OSBPL10: variants seen among roughly 807,000 people sequenced by gnomAD.
OSBPL10 encodes oxysterol-binding protein-related protein 10.
A neutral mutation model predicts 81.7 loss-of-function variants in OSBPL10; 49 were observed. The ratio of observed to expected loss-of-function variants is 0.60; its 90% CI spans 0.48 to 0.76. The LOEUF is 0.76. OSBPL10 is among the 30% of genes least tolerant of loss of function. OSBPL10 has a pLI of 0.00. For synonymous variants in OSBPL10, 419 were observed against 383.6 expected (o/e 1.09, Z -1.08); for missense variants, 923 against 987.8 (o/e 0.93, Z 0.88).
At chr3:32,000,452 C>A (rs1486165845) in intron 2 of OSBPL10, among the ~76,000 whole-genome samples, 1 of 152,210 alleles carries the variant, frequency 6.6e-6, no homozygotes, top group Non-Finnish European at 1.5e-5. Flanking sequence ...ATCACCCCAC[C>A]ACACCAGTGG....
At chr3:32,042,591 T>A (rs1235543597) in intron 2 of OSBPL10, among the ~76,000 whole-genome samples, 2 of 152,116 alleles carry the variant, frequency 1.3e-5, no homozygotes, top group African/African-American at 4.8e-5. Context: ...GTTCTTTCTA[T>A]TTTCCATAAG....
intron 6 of OSBPL10, chr3:31,714,836 C>G (rs563804990): frequency 6.5e-6 from 1 of 153,314 alleles, no homozygotes; most frequent in East Asian, 1.9e-4. Context: ...AGCCTCCCAG[C>G]TCATCCTTCT....
intron 4 of OSBPL10, among the ~76,000 whole-genome samples, chr3:31,750,813 A>C (rs1416696945): frequency 6.6e-6 from 1 of 152,172 alleles, no homozygotes; most frequent in Admixed American, 6.5e-5. Context: ...CAAGCCATAA[A>C]CTATACGGTA....
At chr3:32,025,986 T>C (rs985155622) in intron 2 of OSBPL10, among the ~76,000 whole-genome samples, 7 of 150,228 alleles carry the variant, frequency 4.7e-5, no homozygotes, top group Admixed American at 1.3e-4. Flanking sequence ...CTAAACATGA[T>C]ATATGGAGCC....
chr3:31,991,183 T>C lies in OSBPL10; in HGVS notation n.298+55308A>G, dbSNP rs111514380. ...GGATTGGGCTGGGCAGGGTGGCTTATACCTGTAATCCCAGCACTGTGGGAG... is the reference window on the plus strand; with the variant it reads ...GGATTGGGCTGGGCAGGGTGGCTTACACCTGTAATCCCAGCACTGTGGGAG... On this transcript the variant is annotated intron_variant and non_coding_transcript_variant, in intron 2 of 3. Transcript: ENST00000479173. The C allele has an allele frequency of 1.0e-3, 618 of 598,272 alleles. 6 individuals carry two copies. The highest frequency in any genetic ancestry group is 9.2e-3 in the African/African-American group (490 of 53,470). 37.1% of individuals were successfully genotyped at this position (598,272 alleles called of 1,614,324 possible). A position where few individuals can be genotyped will look rare whatever the true frequency, so the allele number is the denominator to read the frequency against.
intron 3 of OSBPL10, among the ~76,000 whole-genome samples, chr3:31,832,066 CTA>C (rs1210488585): frequency 6.6e-6 from 1 of 152,160 alleles, no homozygotes; most frequent in Non-Finnish European, 1.5e-5. Flanking sequence ...AGAGAGGTCT[CTA>C]TGAATTGATC....
rs138507342 is a variant in OSBPL10, at chr3:31,796,911, A to G, written c.729+33129T>C. 4.6e-3 allele frequency among the ~76,000 whole-genome samples: 698 copies of G among 150,622 alleles called. 6 individuals are homozygous for G. Among genetic ancestry groups the G allele is most frequent in the African/African-American group, 0.015 (633 of 40,858 alleles). On this transcript the variant is annotated intron_variant, in intron 4 of 11. Transcript: ENST00000396556. ...CTCCTCACTTCTCTCTACCCCAAACATTTTCTCCCATTCTCATACAGGTTC... is the reference window on the plus strand; with the variant it reads ...CTCCTCACTTCTCTCTACCCCAAACGTTTTCTCCCATTCTCATACAGGTTC...
At chr3:31,702,550 A>G in intron 6 of OSBPL10, 42 bp from the exon 7 acceptor site, 2 of 1,611,444 alleles carry the variant, frequency 1.2e-6, no homozygotes, top group Non-Finnish European at 1.7e-6. Context: ...CTGGCCCAAT[A>G]GAAGTTAGAA....
chr3:31,955,114 G>A (rs1466354438), intron 1 of OSBPL10, among the ~76,000 whole-genome samples: 2 of 152,246 alleles, frequency 1.3e-5, no homozygotes, highest in Non-Finnish European at 2.9e-5. Flanking sequence ...GAAGCTACTG[G>A]CATCCAGGCA....
At chr3:31,890,853 A>C (rs1695874215) in intron 1 of OSBPL10, among the ~76,000 whole-genome samples, 1 of 152,162 alleles carries the variant, frequency 6.6e-6, no homozygotes, top group Non-Finnish European at 1.5e-5. Flanking sequence ...ACGATGTTGG[A>C]ACTTACCTGG....
intron 3 of OSBPL10, among the ~76,000 whole-genome samples, chr3:31,856,009 TC>T (rs1200763401): frequency 6.6e-6 from 1 of 151,254 alleles, no homozygotes; most frequent in African/African-American, 2.4e-5. Flanking sequence ...TTTTGTTTTT[TC>T]CTAAAAATAT....
chr3:31,898,273 T>C (rs1696124338), intron 1 of OSBPL10, among the ~76,000 whole-genome samples: 1 of 152,080 alleles, frequency 6.6e-6, no homozygotes, highest in African/African-American at 2.4e-5. Flanking sequence ...AGGAGTAAAT[T>C]TCAAATGCCT....
chr3:32,009,087 A>G (rs1443286851), intron 2 of OSBPL10, among the ~76,000 whole-genome samples: 1 of 152,216 alleles, frequency 6.6e-6, no homozygotes, highest in Non-Finnish European at 1.5e-5. Flanking sequence ...TTGTGTTTTT[A>G]CAGTCACTGT....
intron 6 of OSBPL10, among the ~76,000 whole-genome samples, chr3:31,722,529 C>T (rs1696678623): frequency 6.6e-6 from 1 of 152,068 alleles, no homozygotes; most frequent in Non-Finnish European, 1.5e-5. Flanking sequence ...TTTTTAAAAG[C>T]CAGGTAAACA....
At chr3:31,669,384 A>G (rs1442906092) in intron 9 of OSBPL10, among the ~76,000 whole-genome samples, 1 of 152,240 alleles carries the variant, frequency 6.6e-6, no homozygotes, top group Non-Finnish European at 1.5e-5. Flanking sequence ...AAAGTGTGTA[A>G]GAGTGTAGGG....
intron 1 of OSBPL10, among the ~76,000 whole-genome samples, chr3:31,927,382 T>C (rs1697105401): frequency 6.6e-6 from 1 of 152,178 alleles, no homozygotes; most frequent in South Asian, 2.1e-4. Flanking sequence ...ACTGTTTCCA[T>C]TAGAACACAT....
Position 32,040,392 on chromosome 3 carries a change from G to A in OSBPL10, n.298+6099C>T, listed in dbSNP as rs528905673. Among the ~76,000 whole-genome samples the A allele has an allele frequency of 2.4e-3, 365 of 152,262 alleles. 1 individual carries two copies. Among genetic ancestry groups the A allele is most frequent in the Non-Finnish European group, 3.8e-3 (259 of 68,034 alleles). ...ACTGCACTCCAGCCTAGGCGACAGA[G>A]CAAGACCCCATCTCAAAAAATATAT... On this transcript the variant is annotated intron_variant and non_coding_transcript_variant, in intron 2 of 3. Transcript: ENST00000479173.
chr3:31,945,344 TCAC>T (rs1021673324), intron 1 of OSBPL10, among the ~76,000 whole-genome samples: 4 of 151,868 alleles, frequency 2.6e-5, no homozygotes, highest in Non-Finnish European at 4.4e-5. Context: ...GCTCCCAAAG[TCAC>T]CACAAATATG....
intron 4 of OSBPL10, among the ~76,000 whole-genome samples, chr3:31,824,491 T>C (rs1700055242): frequency 1.3e-5 from 2 of 152,212 alleles, no homozygotes; most frequent in African/African-American, 4.8e-5. Flanking sequence ...AGGATCACTT[T>C]CTGCTGACCG....
Sources: gnomAD v4.1 joint callset for allele counts (sites outside exome capture counted in the v4.1 genomes callset) on GRCh38, gnomAD v4.1.1 for gene constraint, MANE v1.5 for transcripts, NCBI Gene and HGNC (gene_info 2026-07-23, HGNC 2026-07-21) for gene names.